ZNF678: variants seen among roughly 807,000 people sequenced by gnomAD.
ZNF678 encodes the protein zinc finger protein 678.
A neutral mutation model predicts 3.0 loss-of-function variants in ZNF678; 5 were observed. The observed-to-expected ratio is 1.69, with a 90% CI of 0.88 to 3.56. ZNF678 has a LOEUF of 3.56. Ranked by LOEUF, ZNF678 falls within the 30% of genes most tolerant of loss-of-function variation. The pLI is 0.00. For missense variants in ZNF678, 593 were observed against 605.0 expected (o/e 0.98, Z 0.21); for synonymous variants, 218 against 199.6 (o/e 1.09, Z -0.78).
At chr1:227,626,667 A>G (rs1242509792) in intron 1 of ZNF678, among the ~76,000 whole-genome samples, 1 of 152,152 alleles carries the variant, frequency 6.6e-6, no homozygotes, top group Admixed American at 6.5e-5. Flanking sequence ...TACTAAGGCT[A>G]TAGGCAACAG....
chr1:227,678,085 A>G (rs76808435), downstream of ZNF678, among the ~76,000 whole-genome samples: 1,278 of 152,314 alleles, frequency 8.4e-3, 21 homozygotes, highest in African/African-American at 0.027. Context: ...CCAGACCCTA[A>G]TAAACACTTT....
At chr1:227,634,176 T>C (rs1446599058) in intron 1 of ZNF678, among the ~76,000 whole-genome samples, 1 of 152,174 alleles carries the variant, frequency 6.6e-6, no homozygotes, top group Admixed American at 6.5e-5. Context: ...TTGCAGAATT[T>C]ACCTGCTAAC....
intron 1 of ZNF678, among the ~76,000 whole-genome samples, chr1:227,577,187 A>G (rs975917508): frequency 4.6e-5 from 7 of 152,192 alleles, no homozygotes; most frequent in Admixed American, 2.0e-4. Flanking sequence ...AGTATGTGCC[A>G]TGTGGCTATG....
intron 5 of ZNF678, among the ~76,000 whole-genome samples, chr1:227,676,348 C>T (rs995379834): frequency 1.3e-5 from 2 of 152,126 alleles, no homozygotes; most frequent in Non-Finnish European, 1.5e-5. Flanking sequence ...CAAATGTAAG[C>T]TCATGATTTC....
At chr1:227,651,103 C>T (rs1659081403) in intron 3 of ZNF678, 27 bp downstream of exon 3, 1 of 1,608,184 alleles carries the variant, frequency 6.2e-7, no homozygotes, top group Middle Eastern at 1.7e-4. Context: ...ATTGGGTCTC[C>T]AGGCTGATGA....
chr1:227,603,316 C>T (rs1001928101), intron 1 of ZNF678, among the ~76,000 whole-genome samples: 3 of 152,154 alleles, frequency 2.0e-5, no homozygotes, highest in Non-Finnish European at 4.4e-5. Context: ...CTTTCTGTTG[C>T]CAGGTTGGGG....
intron 1 of ZNF678, among the ~76,000 whole-genome samples, chr1:227,612,559 C>T (rs1230211180): frequency 2.6e-5 from 4 of 152,186 alleles, no homozygotes; most frequent in Admixed American, 2.6e-4. Flanking sequence ...AATTACCTTA[C>T]CTACATCCTT....
At chr1:227,636,741 T>C (rs999268938) in intron 1 of ZNF678, among the ~76,000 whole-genome samples, 11 of 152,170 alleles carry the variant, frequency 7.2e-5, no homozygotes, top group African/African-American at 2.7e-4. Flanking sequence ...GGGGGTGAGC[T>C]TGACCCTGGT....
At chr1:227,675,000 A>G (rs1444956872) in intron 5 of ZNF678, among the ~76,000 whole-genome samples, 1 of 152,200 alleles carries the variant, frequency 6.6e-6, no homozygotes, top group Non-Finnish European at 1.5e-5. Flanking sequence ...GTATTTTTCT[A>G]GTCTTATTTA....
At chr1:227,624,227 A>G (rs1658351589) in intron 1 of ZNF678, among the ~76,000 whole-genome samples, 1 of 152,248 alleles carries the variant, frequency 6.6e-6, no homozygotes, top group Non-Finnish European at 1.5e-5. Context: ...GTCTTCAAGT[A>G]TATTTGCATT....
chr1:227,566,828 G>C (rs1439564494), intron 1 of ZNF678, among the ~76,000 whole-genome samples: 1 of 152,138 alleles, frequency 6.6e-6, no homozygotes, highest in African/African-American at 2.4e-5. Context: ...TTCTTCATCA[G>C]AGTGAGTGTA....
intron 5 of ZNF678, among the ~76,000 whole-genome samples, chr1:227,669,538 A>G (rs1225639795): frequency 3.3e-5 from 5 of 151,764 alleles, no homozygotes; most frequent in Non-Finnish European, 5.9e-5. Context: ...AGTCCCAGCT[A>G]CTCAGGAGGC....
At chr1:227,572,616 C>T (rs962532657) in intron 1 of ZNF678, among the ~76,000 whole-genome samples, 1 of 152,202 alleles carries the variant, frequency 6.6e-6, no homozygotes, top group Non-Finnish European at 1.5e-5. Flanking sequence ...AGGGGTGTCT[C>T]CCATAATGTG....
At chr1:227,625,972 G>T (rs1187650383) in intron 1 of ZNF678, among the ~76,000 whole-genome samples, 1 of 152,148 alleles carries the variant, frequency 6.6e-6, no homozygotes, top group African/African-American at 2.4e-5. Context: ...ATGGGTGTGG[G>T]TGGTGAAAGT....
chr1:227,590,495 T>TC (rs1657383784), intron 1 of ZNF678, among the ~76,000 whole-genome samples: 2 of 151,766 alleles, frequency 1.3e-5, no homozygotes, highest in Admixed American at 1.3e-4. Flanking sequence ...GGGTTGGGTA[T>TC]CCCCACGAGC....
intron 1 of ZNF678, among the ~76,000 whole-genome samples, chr1:227,625,751 AC>A: frequency 6.6e-6 from 1 of 151,982 alleles, no homozygotes; most frequent in Middle Eastern, 3.4e-3. Context: ...GGTGCTTTGT[AC>A]CCTGGTCAGT....
At chr1:227,614,361 A>G (rs1353056104) in intron 1 of ZNF678, among the ~76,000 whole-genome samples, 1 of 152,148 alleles carries the variant, frequency 6.6e-6, no homozygotes, top group Non-Finnish European at 1.5e-5. Flanking sequence ...CCTGGCACTC[A>G]TGTCTTTCCT....
chr1:227,643,337 T>G (rs1233236124), intron 1 of ZNF678, among the ~76,000 whole-genome samples: 1 of 152,174 alleles, frequency 6.6e-6, no homozygotes, highest in Non-Finnish European at 1.5e-5. Context: ...GAATAGAGAA[T>G]TGTCTTAATT....
chr1:227,592,340 T>C (rs1316718889), intron 1 of ZNF678, among the ~76,000 whole-genome samples: 1 of 152,262 alleles, frequency 6.6e-6, no homozygotes, highest in African/African-American at 2.4e-5. Flanking sequence ...CTGCTTCTTG[T>C]GCTAACAGGG....
Sources: gnomAD v4.1 joint callset for allele counts (sites outside exome capture counted in the v4.1 genomes callset) on GRCh38, gnomAD v4.1.1 for gene constraint, MANE v1.5 for transcripts, NCBI Gene and HGNC (gene_info 2026-07-23, HGNC 2026-07-21) for gene names.